The following TNNI3 variants were observed in gnomAD, a reference collection of about 807,000 sequenced individuals.
TNNI3 encodes the protein troponin I3, cardiac type, also known as troponin I, cardiac muscle.
TNNI3 carries 23 observed loss-of-function variants against 31.5 expected under a neutral mutation model. The observed-to-expected ratio is 0.73, with a 90% CI of 0.52 to 1.03. The LOEUF (loss-of-function observed/expected upper bound fraction) is 1.03, where lower values mean the gene tolerates loss of function less well. TNNI3 is among the 50% of genes least tolerant of loss of function. The pLI is 0.00. For missense variants in TNNI3, 236 were observed against 282.9 expected (o/e 0.83, Z 1.19); for synonymous variants, 120 against 111.7 (o/e 1.07, Z -0.47).
chr19:55,153,975 GCACCCACAGCC>G, intron 7 of TNNI3, 44 bp downstream of exon 7: 4 of 1,601,612 alleles, frequency 2.5e-6, no homozygotes, highest in South Asian at 2.2e-5. Context: ...AGGGTTGTTG[GCACCCACAGCC>G]CTTCCCCTCA....
chr19:55,153,031 C>A (rs1395889133), intron 7 of TNNI3, among the ~76,000 whole-genome samples: 1 of 152,096 alleles, frequency 6.6e-6, no homozygotes, highest in Non-Finnish European at 1.5e-5. Context: ...AACTCCTGAC[C>A]TCATGATCCG....
intron 5 of TNNI3, among the ~76,000 whole-genome samples, chr19:55,155,420 A>G (rs1221694056): frequency 1.7e-3 from 46 of 27,004 alleles, no homozygotes; most frequent in Admixed American, 4.5e-3. Context: ...CAGGGAGGAG[A>G]GGCTGGGGCC....
Position 55,156,142 on chromosome 19 carries a change from A to G in TNNI3, c.282+59T>C, listed in dbSNP as rs995585360. 1.9e-6 allele frequency: 3 copies of G among 1,612,166 alleles called. No homozygotes were observed. Among genetic ancestry groups the G allele is most frequent in the Non-Finnish European group, 2.5e-6 (3 of 1,179,474 alleles). On this transcript the variant is annotated intron_variant, in intron 5 of 7. Transcript: ENST00000344887. The surrounding 1 kb of genome is among the most constrained non-coding windows in gnomAD (Gnocchi z 4.6). ...GCCTGGGTCCCGAGCAGAAGAGGGGATAGAGGCTGTACTGCTGAATTCCGG... is the reference window on the plus strand; with the variant it reads ...GCCTGGGTCCCGAGCAGAAGAGGGGGTAGAGGCTGTACTGCTGAATTCCGG...
Position 55,156,906 on chromosome 19 carries a change from C to G in TNNI3, c.108+144G>C. ...CGCCCGCAGGCTGCTGTCACCAATC[C>G]GAGCATGACCCTCTGCAAAACTCCG... On this transcript the variant is annotated intron_variant, in intron 3 of 7. Coordinates refer to ENST00000344887, the MANE Select transcript of TNNI3 (RefSeq NM_000363.5). The surrounding 1 kb of genome is among the most constrained non-coding windows in gnomAD (Gnocchi z 4.6). The G allele has an allele frequency of 5.8e-6, 6 of 1,028,548 alleles. No individual in the cohort carries two copies. Among genetic ancestry groups the G allele is most frequent in the Non-Finnish European group, 8.7e-6 (6 of 686,276 alleles). 63.7% of individuals were successfully genotyped at this position (1,028,548 alleles called of 1,614,324 possible).
intron 6 of TNNI3, 86 bp from the exon 7 acceptor site, chr19:55,154,292 T>G: frequency 7.1e-7 from 1 of 1,401,346 alleles, no homozygotes; most frequent in Non-Finnish European, 9.9e-7. Flanking sequence ...TTTATTCTCC[T>G]TATCTCGTCT....
chr19:55,157,480 G>T lies in TNNI3; in HGVS notation c.11+99C>A. The T allele has an allele frequency of 6.3e-7, 1 of 1,582,352 alleles. No homozygotes were observed. The highest frequency in any genetic ancestry group is 1.1e-5 in the South Asian group (1 of 89,218). The stretch of plus-strand genomic sequence containing the variant: ...CCTCTCTTCACCCAAGAGTCCCTAC[G>T]CCTACCTCGCAGGCCAAGGGTCCAG... On this transcript the variant is annotated intron_variant, in intron 1 of 7. Transcript: ENST00000344887. The surrounding 1 kb of genome is among the most constrained non-coding windows in gnomAD (Gnocchi z 6.3).
rs1372458480 is a variant in TNNI3 at position 55,156,446 on chromosome 19, G to A, written c.151-114C>T. On this transcript the variant is annotated intron_variant, in intron 4 of 7. Coordinates refer to ENST00000344887, the MANE Select transcript of TNNI3 (RefSeq NM_000363.5). This position sits in a 1 kb window ranked among gnomAD's most constrained non-coding sequence, Gnocchi z 4.6. ...TCCAGTTTGGTCTCCACTGTTCCAAGGCCCCGTCCCACCCCGAGCAGTACT... is the reference window on the plus strand; with the variant it reads ...TCCAGTTTGGTCTCCACTGTTCCAAAGCCCCGTCCCACCCCGAGCAGTACT... 4 of 1,510,612 alleles carry A rather than the reference G, an allele frequency of 2.6e-6. No individual in the cohort carries two copies. Among genetic ancestry groups the A allele is most frequent in the Non-Finnish European group, 2.7e-6 (3 of 1,120,176 alleles). 93.6% of individuals were successfully genotyped at this position (1,510,612 alleles called of 1,614,324 possible). A position where few individuals can be genotyped will look rare whatever the true frequency, so the allele number is the denominator to read the frequency against.
At position 55,152,962 on chromosome 19, in the gene TNNI3, G is replaced by A. The variant is rs1378334176; in HGVS notation, c.550-1045C>T. 6.6e-6 allele frequency among the ~76,000 whole-genome samples: 1 copy of A among 152,076 alleles called. No individual in the cohort carries two copies. Among genetic ancestry groups the A allele is most frequent in the South Asian group, 2.1e-4 (1 of 4,832 alleles). On this transcript the variant is annotated intron_variant, in intron 7 of 7. Transcript: ENST00000344887. The surrounding 1 kb of genome is among the most constrained non-coding windows in gnomAD (Gnocchi z 4.0). Reference sequence around the variant, plus strand: ...TTACAGGCACCCACGACCACGCCCAGCAAATGTTTGTATTTTTACTACAGG... The same window carrying A: ...TTACAGGCACCCACGACCACGCCCAACAAATGTTTGTATTTTTACTACAGG...
Position 55,154,770 on chromosome 19 carries a change from CTA to C in TNNI3, c.341_342del (p.Ile114ArgfsTer20). On this transcript the variant is annotated frameshift_variant, in exon 6 of 8. Coordinates refer to ENST00000344887, the MANE Select transcript of TNNI3 (RefSeq NM_000363.5). LOFTEE classifies it high-confidence loss of function. ...VDKVDEERYDIEAKVTKNITE... is the reference protein window; with the variant it reads ...VDKVDEERYDXEAKVTKNITE... ...GTGATGTTCTTGGTGACTTTTGCCTCTATGTCGTATCTCTCTTCATCCACCTT... is the reference window on the plus strand; with the variant it reads ...GTGATGTTCTTGGTGACTTTTGCCTCTGTCGTATCTCTCTTCATCCACCTT... 6.2e-7 allele frequency: 1 copy of C among 1,614,218 alleles called. No individual in the cohort carries two copies. Among genetic ancestry groups the C allele is most frequent in the African/African-American group, 1.3e-5 (1 of 75,056 alleles).
At position 55,152,061 on chromosome 19, in the gene TNNI3, G is replaced by A. The variant is rs538032933; in HGVS notation, c.550-144C>T. ...TCTGGAGCACTTCCTGTCTTTTCAA[G>A]ATAATCCCTGCCAATTTTCCCCATG... On this transcript the variant is annotated intron_variant, in intron 7 of 7. Coordinates refer to ENST00000344887, the MANE Select transcript of TNNI3 (RefSeq NM_000363.5). The surrounding 1 kb of genome is among the most constrained non-coding windows in gnomAD (Gnocchi z 4.0). 2.7e-6 allele frequency: 2 copies of A among 749,650 alleles called. No homozygotes were observed. Among genetic ancestry groups the A allele is most frequent in the East Asian group, 5.6e-5 (2 of 35,428 alleles). 46.4% of individuals were successfully genotyped at this position (749,650 alleles called of 1,614,324 possible).
Position 55,156,233 on chromosome 19 carries a change from C to A in TNNI3, c.250G>T (p.Glu84Ter), listed in dbSNP as rs759523214. 1.9e-6 allele frequency: 3 copies of A among 1,612,556 alleles called. No homozygotes were observed. Among genetic ancestry groups the A allele is most frequent in the Non-Finnish European group, 2.5e-6 (3 of 1,179,858 alleles). The part of the protein sequence containing the change: ...RALSTRCQPL[E>*]LAGLGFAELQ... ...TCCGCGAAGCCCAGCCCGGCCAACTCCAGCGGCTGGCAGCGGGTGCTCAGA... is the reference window on the plus strand; with the variant it reads ...TCCGCGAAGCCCAGCCCGGCCAACTACAGCGGCTGGCAGCGGGTGCTCAGA... Residue 84 changes from glutamate (E) to a stop codon, truncating the protein, a stop_gained, in exon 5 of 8, where the codon GAG (glutamate) becomes TAG (stop). Coordinates refer to ENST00000344887, the MANE Select transcript of TNNI3 (RefSeq NM_000363.5). LOFTEE classifies it high-confidence loss of function. This position sits in a 1 kb window ranked among gnomAD's most constrained non-coding sequence, Gnocchi z 4.6.
In TNNI3 at chr19:55,151,820, G is replaced by A; in HGVS notation, c.*14C>T. 1.2e-6 allele frequency: 2 copies of A among 1,613,284 alleles called. No individual in the cohort carries two copies. The highest frequency in any genetic ancestry group is 2.2e-5 in the South Asian group (2 of 91,052). On this transcript the variant is annotated 3_prime_UTR_variant, in exon 8 of 8. Coordinates refer to ENST00000344887, the MANE Select transcript of TNNI3 (RefSeq NM_000363.5). ...CAGGGCCCTCCTCAGGGCAGGGGCAGTAGGCAGGAAGGCTCAGCTCTCAAA... is the reference window on the plus strand; with the variant it reads ...CAGGGCCCTCCTCAGGGCAGGGGCAATAGGCAGGAAGGCTCAGCTCTCAAA...
chr19:55,157,395 G>C lies in TNNI3; in HGVS notation c.12-87C>G. 5 of 1,606,284 alleles carry C rather than the reference G, an allele frequency of 3.1e-6. No individual in the cohort carries two copies. The highest frequency in any genetic ancestry group is 4.3e-6 in the Non-Finnish European group (5 of 1,174,626). On this transcript the variant is annotated intron_variant, in intron 1 of 7. Coordinates refer to ENST00000344887, the MANE Select transcript of TNNI3 (RefSeq NM_000363.5). The surrounding 1 kb of genome is among the most constrained non-coding windows in gnomAD (Gnocchi z 6.3). Reference sequence around the variant, plus strand: ...CCCCTGGAGTCCCCTCTGAACAAGAGGTCGGGGGACCGCGCTTCCCCTTCC... The same window carrying C: ...CCCCTGGAGTCCCCTCTGAACAAGACGTCGGGGGACCGCGCTTCCCCTTCC...
In TNNI3 at chr19:55,156,391, G is replaced by T. The variant is rs755244940; in HGVS notation, c.151-59C>A. 25 of 1,572,048 alleles carry T rather than the reference G, an allele frequency of 1.6e-5. No individual in the cohort carries two copies. The highest frequency in any genetic ancestry group is 2.1e-5 in the Non-Finnish European group (24 of 1,158,430). ...CGGGGCTTCAGGATAAAGACCAGGC[G>T]TGGGGAACCGCCTCTGCCCTTCTAA... On this transcript the variant is annotated intron_variant, in intron 4 of 7. Transcript: ENST00000344887. This position sits in a 1 kb window ranked among gnomAD's most constrained non-coding sequence, Gnocchi z 4.6.
chr19:55,157,106 G>C lies in TNNI3; in HGVS notation c.52C>G (p.Pro18Ala), dbSNP rs779416591. 1 of 1,603,094 alleles carries C rather than the reference G, an allele frequency of 6.2e-7. No homozygotes were observed. Among genetic ancestry groups the C allele is most frequent in the Non-Finnish European group, 8.5e-7 (1 of 1,176,568 alleles). The change falls in exon 3 of 8, where the codon CCA becomes GCA. Residue 18 changes from proline to alanine, a missense_variant. Pro to Ala is a conservative substitution (Grantham distance 27). Coordinates refer to ENST00000344887, the MANE Select transcript of TNNI3 (RefSeq NM_000363.5). The surrounding 1 kb of genome is among the most constrained non-coding windows in gnomAD (Gnocchi z 6.3). ...TAGTTGGAGGAGCGGCGTCTGATTG[G>C]GGCTGGTGCAGGGCGAGGTTCCCTA... is the stretch of plus-strand genomic sequence containing the variant. ...AAREPRPAPA[P>A]IRRRSSNYRA...
In TNNI3 at chr19:55,157,285, G is replaced by T. The variant is rs1446713099; in HGVS notation, c.24+11C>A. 5.6e-6 allele frequency: 9 copies of T among 1,612,424 alleles called. No homozygotes were observed. Among genetic ancestry groups the T allele is most frequent in the Admixed American group, 5.0e-5 (3 of 59,844 alleles). On this transcript the variant is annotated intron_variant, in intron 2 of 7. Coordinates refer to ENST00000344887, the MANE Select transcript of TNNI3 (RefSeq NM_000363.5). The surrounding 1 kb of genome is among the most constrained non-coding windows in gnomAD (Gnocchi z 6.3). ...GGGGGTCCCAGCCACGCCTTAGCCC[G>T]CTGCTCTCACCGCATCGCTGCTCCT...
intron 6 of TNNI3, 43 bp downstream of exon 6, chr19:55,154,698 C>G (rs752348828): frequency 1.9e-6 from 3 of 1,579,184 alleles, no homozygotes; most frequent in South Asian, 1.1e-5. Flanking sequence ...TCCCAGCCAT[C>G]TCACCCTACC....
At position 55,156,109 on chromosome 19, in the gene TNNI3, T is replaced by C. The variant is rs2085727316; in HGVS notation, c.282+92A>G. The C allele has an allele frequency of 1.3e-6, 2 of 1,594,354 alleles. No homozygotes were observed. The highest frequency in any genetic ancestry group is 3.4e-5 in the Admixed American group (2 of 59,574). ...ATATATAATTGGGTAAGGACAGCCATATTGGACGCCTGGGTCCCGAGCAGA... is the reference window on the plus strand; with the variant it reads ...ATATATAATTGGGTAAGGACAGCCACATTGGACGCCTGGGTCCCGAGCAGA... On this transcript the variant is annotated intron_variant, in intron 5 of 7. Transcript: ENST00000344887. The surrounding 1 kb of genome is among the most constrained non-coding windows in gnomAD (Gnocchi z 4.6).
rs965550164 is a variant in TNNI3 at position 55,157,222 on chromosome 19, C to A, written c.24+74G>T. The A allele has an allele frequency of 3.1e-6, 5 of 1,601,420 alleles. No homozygotes were observed. The highest frequency in any genetic ancestry group is 8.5e-7 in the Non-Finnish European group (1 of 1,174,732). The stretch of plus-strand genomic sequence containing the variant: ...ACCCTCTGCTAGGGCTGCAGCCTCC[C>A]GCCCCAGACCCCTCACTGCAGCGCC... On this transcript the variant is annotated intron_variant, in intron 2 of 7. Coordinates refer to ENST00000344887, the MANE Select transcript of TNNI3 (RefSeq NM_000363.5). The surrounding 1 kb of genome is among the most constrained non-coding windows in gnomAD (Gnocchi z 6.3).
Sources: allele counts gnomAD v4.1 joint callset (sites outside exome capture counted in the v4.1 genomes callset), GRCh38; gene constraint gnomAD v4.1.1; non-coding constraint Gnocchi (gnomAD v3.1); transcripts MANE v1.5; gene names NCBI Gene and HGNC (gene_info 2026-07-23, HGNC 2026-07-21).